Variants in LAMA3 observed in about 807,000 individuals in gnomAD.
LAMA3 encodes the protein laminin subunit alpha 3, also known as laminin subunit alpha-3.
LAMA3 carries 281 observed loss-of-function variants against 402.0 expected under a neutral mutation model. The observed-to-expected ratio is 0.70, with a 90% CI of 0.63 to 0.77. The LOEUF (loss-of-function observed/expected upper bound fraction) is 0.77. Ranked by LOEUF, LAMA3 falls within the 30% of genes least tolerant of loss-of-function variation. LAMA3 has a pLI of 0.00. For missense variants in LAMA3, 3,840 were observed against 4,215.5 expected (o/e 0.91, Z 2.47); for synonymous variants, 1,431 against 1,558.4 (o/e 0.92, Z 1.93).
chr18:23,946,424 A>G, intron 70 of LAMA3, 140 bp downstream of exon 70: 1 of 981,606 alleles, frequency 1.0e-6, no homozygotes, highest in Non-Finnish European at 1.6e-6. Context: ...ATTAATGTTC[A>G]CAACCACATA....
chr18:23,749,313 C>G (rs1242865795), intron 3 of LAMA3, 115 bp from the exon 4 acceptor site: 5 of 655,806 alleles, frequency 7.6e-6, no homozygotes, highest in South Asian at 3.9e-5. Context: ...GTTTTAAATG[C>G]CTTTCTGTTT....
At chr18:23,880,743 G>C (rs1214488073) in intron 39 of LAMA3, among the ~76,000 whole-genome samples, 3 of 152,176 alleles carry the variant, frequency 2.0e-5, no homozygotes, top group Non-Finnish European at 2.9e-5. Context: ...TGAGCATGGT[G>C]GTGGGTGCCT....
At chr18:23,771,716 T>C (rs1193591920) in intron 8 of LAMA3, among the ~76,000 whole-genome samples, 1 of 152,194 alleles carries the variant, frequency 6.6e-6, no homozygotes, top group Non-Finnish European at 1.5e-5. Flanking sequence ...GATAGAGGAA[T>C]GGATGGATGG....
At position 23,714,282 on chromosome 18, in the gene LAMA3, C is replaced by T. The variant is rs189331567; in HGVS notation, c.447+210C>T. ...TGCCTGTAATCCCAGCACTTTGGGA[C>T]GCCGAGGTGGGTGGATCACTTGAAG... On this transcript the variant is annotated intron_variant, in intron 2 of 74. Transcript: ENST00000313654. Among the ~76,000 whole-genome samples the T allele has an allele frequency of 4.2e-3, 644 of 152,116 alleles. 1 individual carries two copies. The highest frequency in any genetic ancestry group is 6.5e-3 in the Non-Finnish European group (443 of 67,976).
Position 23,839,981 on chromosome 18 carries a change from G to T in LAMA3, c.3336+52G>T. The T allele has an allele frequency of 6.3e-7, 1 of 1,587,350 alleles. No homozygotes were observed. The highest frequency in any genetic ancestry group is 8.7e-7 in the Non-Finnish European group (1 of 1,155,906). The stretch of plus-strand genomic sequence containing the variant: ...TTCTCAAAGTATGACCTCTGAAGCA[G>T]CAGCATCCACATCACTTGGAAACTT... On this transcript the variant is annotated intron_variant, in intron 27 of 74. Coordinates refer to ENST00000313654, the MANE Select transcript of LAMA3 (RefSeq NM_198129.4). This position sits in a 1 kb window ranked among gnomAD's most constrained non-coding sequence, Gnocchi z 4.5.
chr18:23,862,088 A>G (rs2064238407), intron 35 of LAMA3, among the ~76,000 whole-genome samples: 1 of 152,266 alleles, frequency 6.6e-6, no homozygotes, highest in African/African-American at 2.4e-5. Context: ...ATTTTCCTCC[A>G]GGGAAATAAC....
intron 36 of LAMA3, among the ~76,000 whole-genome samples, chr18:23,865,285 T>G (rs2064328034): frequency 6.6e-6 from 1 of 152,088 alleles, no homozygotes; most frequent in Admixed American, 6.5e-5. Flanking sequence ...CACACCACCA[T>G]GGCCAGCTGA....
At chr18:23,812,173 T>C (rs1335017068) in intron 13 of LAMA3, among the ~76,000 whole-genome samples, 1 of 152,136 alleles carries the variant, frequency 6.6e-6, no homozygotes, top group African/African-American at 2.4e-5. Context: ...ACTCCCAGCC[T>C]CTAGAAAATA....
At chr18:23,815,291 G>A in intron 16 of LAMA3, 51 bp downstream of exon 16, 1 of 1,561,390 alleles carries the variant, frequency 6.4e-7, no homozygotes, top group Non-Finnish European at 8.8e-7. Flanking sequence ...TACAGCAACT[G>A]CTTGTGGGGT....
chr18:23,943,115 G>A lies in LAMA3; in HGVS notation c.9027-673G>A, dbSNP rs376903892. ...CTTCTCCTACGACTTCCCTCTCCAC[G>A]AATACATACAAAACAGAATGCATAT... is the stretch of plus-strand genomic sequence containing the variant. On this transcript the variant is annotated intron_variant, in intron 68 of 74. Coordinates refer to ENST00000313654, the MANE Select transcript of LAMA3 (RefSeq NM_198129.4). Among the ~76,000 whole-genome samples the A allele has an allele frequency of 8.0e-4, 122 of 152,256 alleles. 4 individuals carry two copies. In the South Asian group the frequency reaches 0.023, roughly 29 times the overall value.
chr18:23,845,789 G>A (rs1006610793), intron 30 of LAMA3, among the ~76,000 whole-genome samples: 1 of 152,202 alleles, frequency 6.6e-6, no homozygotes, highest in African/African-American at 2.4e-5. Flanking sequence ...CCTTGGGAAT[G>A]TCACCTAACT....
intron 19 of LAMA3, among the ~76,000 whole-genome samples, chr18:23,820,940 A>C (rs549621631): frequency 1.3e-5 from 2 of 152,158 alleles, no homozygotes; most frequent in South Asian, 4.1e-4. Flanking sequence ...CCTTTCTGAA[A>C]TGGTACCTAG....
At chr18:23,828,630 G>A (rs142045246) in intron 23 of LAMA3, among the ~76,000 whole-genome samples, 3 of 152,238 alleles carry the variant, frequency 2.0e-5, no homozygotes, top group Non-Finnish European at 4.4e-5. Flanking sequence ...AAGAGGTACC[G>A]TTGAGAAGGG....
Position 23,751,015 on chromosome 18 carries a change from G to A in LAMA3, c.782G>A (p.Arg261His), listed in dbSNP as rs777581271. ...ACCAAGGCAACAAACATCCGCTTGC[G>A]TTTTCTTAGAACCAATACGCTTCTT... ...EFTKATNIRL[R>H]FLRTNTLLGH... The change falls in exon 5 of 75, where the codon CGT becomes CAT. Residue 261 changes from arginine (R) to histidine (H), a missense_variant. By Grantham distance (29) the Arg-to-His change is conservative (BLOSUM62 0). Coordinates refer to ENST00000313654, the MANE Select transcript of LAMA3 (RefSeq NM_198129.4). 45 of 1,613,996 alleles carry A rather than the reference G, an allele frequency of 2.8e-5. No homozygotes were observed. The highest frequency in any genetic ancestry group is 1.6e-4 in the Middle Eastern group (1 of 6,084).
At chr18:23,785,172 G>GCCT (rs1417557173) in intron 12 of LAMA3, among the ~76,000 whole-genome samples, 1 of 152,184 alleles carries the variant, frequency 6.6e-6, no homozygotes, top group Non-Finnish European at 1.5e-5. Flanking sequence ...ACAGGATGCA[G>GCCT]CCTCCTCCTT....
chr18:23,782,425 C>A lies in LAMA3; in HGVS notation c.1469-1598C>A, dbSNP rs531304102. Among the ~76,000 whole-genome samples the A allele has an allele frequency of 2.6e-5, 4 of 152,136 alleles. No individual in the cohort carries two copies. In the East Asian group the frequency reaches 5.8e-4, roughly 22 times the overall value. ...ACAAAAATTAGTCAGATGTGGCACA[C>A]GCCTGTAATCCGAGCTACTCGGGAG... is the stretch of plus-strand genomic sequence containing the variant. On this transcript the variant is annotated intron_variant, in intron 11 of 74. Transcript: ENST00000313654.
At chr18:23,815,357 C>T in intron 16 of LAMA3, 111 bp from the exon 17 acceptor site, 2 of 1,353,194 alleles carry the variant, frequency 1.5e-6, no homozygotes, top group East Asian at 4.6e-5. Flanking sequence ...TAATCCTTTC[C>T]AGATCCTGGC....
intron 11 of LAMA3, among the ~76,000 whole-genome samples, chr18:23,779,309 G>T (rs1462610646): frequency 6.6e-6 from 1 of 152,050 alleles, no homozygotes; most frequent in Non-Finnish European, 1.5e-5. Context: ...AGAAGCAAGG[G>T]GGCCTGATGG....
chr18:23,794,206 G>T (rs1187403993), intron 12 of LAMA3, among the ~76,000 whole-genome samples: 1 of 152,128 alleles, frequency 6.6e-6, no homozygotes, highest in Admixed American at 6.5e-5. Context: ...ACCCTCTCTG[G>T]GGAGAGTCTT....
Sources: gnomAD v4.1 joint callset for allele counts (sites outside exome capture counted in the v4.1 genomes callset) on GRCh38, gnomAD v4.1.1 for gene constraint, Gnocchi (gnomAD v3.1) non-coding constraint, MANE v1.5 for transcripts, NCBI Gene and HGNC (gene_info 2026-07-23, HGNC 2026-07-21) for gene names.